The following VMAC variants were observed in gnomAD, a reference collection of about 807,000 sequenced individuals.
VMAC encodes vimentin type intermediate filament associated coiled-coil protein, also known as vimentin-type intermediate filament-associated coiled-coil protein.
VMAC carries 8 observed loss-of-function variants against 4.8 expected under a neutral mutation model. The ratio of observed to expected loss-of-function variants is 1.68; its 90% CI spans 0.99 to 3.03. VMAC has a LOEUF of 3.03. Ranked by LOEUF, VMAC falls within the 30% of genes most tolerant of loss-of-function variation. VMAC has a pLI of 0.00. For missense variants in VMAC, 248 were observed against 245.1 expected (o/e 1.01, Z -0.08); for synonymous variants, 96 against 113.7 (o/e 0.84, Z 0.99).
intron 1 of VMAC, among the ~76,000 whole-genome samples, chr19:5,906,457 C>G (rs2057679351): frequency 6.6e-6 from 1 of 152,256 alleles, no homozygotes. Context: ...TGAGCACCTA[C>G]TGTGTGTCAG....
chr19:5,906,834 G>A (rs1009368625), intron 1 of VMAC, among the ~76,000 whole-genome samples: 1 of 152,166 alleles, frequency 6.6e-6, no homozygotes, highest in African/African-American at 2.4e-5. Flanking sequence ...AGACCAGCCT[G>A]GCCAACATGG....
Position 5,908,716 on chromosome 19 carries a change from C to T in VMAC, c.192-108C>T, listed in dbSNP as rs746498039. 2.5e-4 allele frequency: 271 copies of T among 1,074,544 alleles called. No homozygotes were observed. The highest frequency in any genetic ancestry group is 3.4e-4 in the Non-Finnish European group (245 of 727,552). 66.6% of individuals were successfully genotyped at this position (1,074,544 alleles called of 1,614,324 possible). A position where few individuals can be genotyped will look rare whatever the true frequency, so the allele number is the denominator to read the frequency against. ...GACCCTGAGGCAGTGGTGAGGAATG[C>T]GGGCTTTATCCCAAAGGTGATGGGG... On this transcript the variant is annotated intron_variant, in intron 1 of 1. Coordinates refer to ENST00000339485, the MANE Select transcript of VMAC (RefSeq NM_001017921.4). This position sits in a 1 kb window ranked among gnomAD's most constrained non-coding sequence, Gnocchi z 4.5.
chr19:5,907,638 T>TAAAAAAAAAAAAAA (rs2057683620), intron 1 of VMAC, among the ~76,000 whole-genome samples: 1 of 31,144 alleles, frequency 3.2e-5, no homozygotes, highest in South Asian at 9.2e-4. Flanking sequence ...AAAAAAAAAT[T>TAAAAAAAAAAAAAA]AGCTGGGCAT....
chr19:5,908,925 A>G lies in VMAC; in HGVS notation c.293A>G (p.Gln98Arg), dbSNP rs746079442. 1 of 1,613,682 alleles carries G rather than the reference A, an allele frequency of 6.2e-7. No individual in the cohort carries two copies. Among genetic ancestry groups the G allele is most frequent in the South Asian group, 1.1e-5 (1 of 91,082 alleles). Residue 98 changes from glutamine (Q) to arginine (R), a missense_variant, in exon 2 of 2, where the codon CAG (glutamine) becomes CGG (arginine). Physicochemically the swap from Gln to Arg is conservative, Grantham distance 43. Coordinates refer to ENST00000339485, the MANE Select transcript of VMAC (RefSeq NM_001017921.4). The surrounding 1 kb of genome is among the most constrained non-coding windows in gnomAD (Gnocchi z 4.5). ...AGGGACGAGCTCATTAGGCAGTTGC[A>G]GCCCCGGGCTGAGCTGCTGCAGGAC... ...HQRDELIRQLQPRAELLQDIC... is the reference protein window; with the variant it reads ...HQRDELIRQLRPRAELLQDIC...
At chr19:5,905,795 G>C (rs1052110724) in intron 1 of VMAC, among the ~76,000 whole-genome samples, 1 of 151,464 alleles carries the variant, frequency 6.6e-6, no homozygotes, top group African/African-American at 2.4e-5. Flanking sequence ...CCGGAGCTCA[G>C]GTGATTCTCC....
chr19:5,906,291 C>T (rs922447353), intron 1 of VMAC, among the ~76,000 whole-genome samples: 5 of 152,194 alleles, frequency 3.3e-5, no homozygotes, highest in African/African-American at 1.2e-4. Flanking sequence ...GTTGAAGAGT[C>T]CCTCTGACAG....
Position 5,905,097 on chromosome 19 carries a change from G to C in VMAC, c.191+16G>C, listed in dbSNP as rs1181102425. 1.5e-6 allele frequency: 2 copies of C among 1,337,426 alleles called. No individual in the cohort carries two copies. Among genetic ancestry groups the C allele is most frequent in the African/African-American group, 1.5e-5 (1 of 64,950 alleles). 82.8% of individuals were successfully genotyped at this position (1,337,426 alleles called of 1,614,324 possible). A position where few individuals can be genotyped will look rare whatever the true frequency, so the allele number is the denominator to read the frequency against. On this transcript the variant is annotated intron_variant, in intron 1 of 1. Transcript: ENST00000339485. The stretch of plus-strand genomic sequence containing the variant: ...CCAAGGACCGGTGAGGCCCGGGGCC[G>C]GCCAGGTGGACTTCACCGAGGCGGT...
chr19:5,905,042 T>A lies in VMAC; in HGVS notation c.152T>A (p.Leu51Gln), dbSNP rs1238178761. Residue 51 changes from leucine (L) to glutamine (Q), a missense_variant, in exon 1 of 2, where the codon CTG (leucine) becomes CAG (glutamine). Coordinates refer to ENST00000339485, the MANE Select transcript of VMAC (RefSeq NM_001017921.4). The part of the protein sequence containing the change: ...AERLALHDQQ[L>Q]RAALDELGRA... ...CGCCTGGCCCTCCACGACCAGCAGC[T>A]GCGCGCCGCCCTAGACGAACTGGGT... 21 of 1,380,454 alleles carry A rather than the reference T, an allele frequency of 1.5e-5. No individual in the cohort carries two copies. The highest frequency in any genetic ancestry group is 2.0e-5 in the Non-Finnish European group (21 of 1,076,006). The allele number at this position is 1,380,454 out of a possible 1,614,324, so 85.5% of individuals were successfully genotyped here.
intron 1 of VMAC, among the ~76,000 whole-genome samples, chr19:5,905,985 T>G (rs1568434857): frequency 2.0e-5 from 3 of 151,142 alleles, no homozygotes; most frequent in African/African-American, 7.3e-5. Flanking sequence ...TAAGCCACCA[T>G]GCCTATCTAT....
intron 1 of VMAC, among the ~76,000 whole-genome samples, chr19:5,905,736 T>C (rs1268354055): frequency 6.6e-6 from 1 of 151,872 alleles, no homozygotes; most frequent in African/African-American, 2.4e-5. Flanking sequence ...TTTATTATTT[T>C]TGAGGCAGGG....
chr19:5,905,420 TTTA>T (rs1050670835), intron 1 of VMAC, among the ~76,000 whole-genome samples: 8 of 152,110 alleles, frequency 5.3e-5, no homozygotes, highest in African/African-American at 9.7e-5. Flanking sequence ...ACTTTTAAAA[TTTA>T]TTATTATTTT....
At position 5,908,813 on chromosome 19, in the gene VMAC, C is replaced by T. The variant is rs771356104; in HGVS notation, c.192-11C>T. On this transcript the variant is annotated splice_polypyrimidine_tract_variant and intron_variant, in intron 1 of 1. Transcript: ENST00000339485. The surrounding 1 kb of genome is among the most constrained non-coding windows in gnomAD (Gnocchi z 4.5). ...CAGTTCTGTAATCACCTCCTCTTGC[C>T]TTCCTGCCAGTGAGATTGCCACACT... The T allele has an allele frequency of 1.9e-6, 3 of 1,613,312 alleles. No homozygotes were observed. In the South Asian group the frequency reaches 3.3e-5, roughly 18 times the overall value.
At position 5,904,990 on chromosome 19, in the gene VMAC, G is replaced by A. The variant is rs2057672808; in HGVS notation, c.100G>A (p.Glu34Lys). The A allele has an allele frequency of 6.8e-7, 1 of 1,464,112 alleles. No individual in the cohort carries two copies. Among genetic ancestry groups the A allele is most frequent in the East Asian group, 2.9e-5 (1 of 33,998 alleles). The allele number at this position is 1,464,112 out of a possible 1,614,324, so 90.7% of individuals were successfully genotyped here. The change falls in exon 1 of 2, where the codon GAG (glutamate) becomes AAG (lysine). Residue 34 changes from glutamate to lysine, a missense_variant. Coordinates refer to ENST00000339485, the MANE Select transcript of VMAC (RefSeq NM_001017921.4). ...GCTGGAGGCGCGGCTGGACGCGGCG[G>A]AGCGCACGGTGCACGCCCAAGCCGA... ...AELEARLDAA[E>K]RTVHAQAERL...
In VMAC at chr19:5,908,171, T is replaced by C. The variant is rs552196285; in HGVS notation, c.192-653T>C. 1.1e-4 allele frequency among the ~76,000 whole-genome samples: 17 copies of C among 150,764 alleles called. No individual in the cohort carries two copies. The highest frequency in any genetic ancestry group is 4.2e-4 in the African/African-American group (17 of 40,900). ...CCAGTCTGGCCAACATGGCAAAACC[T>C]TGTCTCTACTAAAAATACAAAAATC... is the stretch of plus-strand genomic sequence containing the variant. On this transcript the variant is annotated intron_variant, in intron 1 of 1. Coordinates refer to ENST00000339485, the MANE Select transcript of VMAC (RefSeq NM_001017921.4). The surrounding 1 kb of genome is among the most constrained non-coding windows in gnomAD (Gnocchi z 4.5).
chr19:5,906,924 G>T (rs2057680774), intron 1 of VMAC, among the ~76,000 whole-genome samples: 1 of 152,228 alleles, frequency 6.6e-6, no homozygotes, highest in Non-Finnish European at 1.5e-5. Flanking sequence ...CTACTCGGGA[G>T]GTTGAGGCAC....
Position 5,908,837 on chromosome 19 carries a change from C to A in VMAC, c.205C>A (p.Leu69Ile). 1 of 1,613,760 alleles carries A rather than the reference C, an allele frequency of 6.2e-7. No homozygotes were observed. Among genetic ancestry groups the A allele is most frequent in the South Asian group, 1.1e-5 (1 of 91,084 alleles). The change falls in exon 2 of 2, where the codon CTC (leucine) becomes ATC (isoleucine). Residue 69 changes from leucine to isoleucine, a missense_variant. Transcript: ENST00000339485. This position sits in a 1 kb window ranked among gnomAD's most constrained non-coding sequence, Gnocchi z 4.5. ...GRAKDREIAT[L>I]QEQLMTSEAT... ...CCTTCCTGCCAGTGAGATTGCCACA[C>A]TCCAGGAGCAGCTGATGACCTCAGA...
intron 1 of VMAC, among the ~76,000 whole-genome samples, chr19:5,905,487 T>G (rs1425351573): frequency 6.6e-6 from 1 of 152,202 alleles, no homozygotes; most frequent in East Asian, 1.9e-4. Flanking sequence ...TGGCGTGATC[T>G]CAGCTCACTG....
intron 1 of VMAC, among the ~76,000 whole-genome samples, chr19:5,905,648 T>C (rs993150389): frequency 2.0e-5 from 3 of 151,816 alleles, no homozygotes; most frequent in Non-Finnish European, 2.9e-5. Context: ...CTCTAACTCC[T>C]GACCTCAGGT....
At chr19:5,905,414 T>C (rs1261417487) in intron 1 of VMAC, among the ~76,000 whole-genome samples, 1 of 152,166 alleles carries the variant, frequency 6.6e-6, no homozygotes, top group Non-Finnish European at 1.5e-5. Context: ...ATTTTAACTT[T>C]TAAAATTTAT....
Sources: allele counts gnomAD v4.1 joint callset (sites outside exome capture counted in the v4.1 genomes callset), GRCh38; gene constraint gnomAD v4.1.1; non-coding constraint Gnocchi (gnomAD v3.1); transcripts MANE v1.5; gene names NCBI Gene and HGNC (gene_info 2026-07-23, HGNC 2026-07-21).